Variants in CARHSP1 observed in about 807,000 individuals in gnomAD.
CARHSP1 encodes the protein calcium regulated heat stable protein 1, also known as calcium-regulated heat-stable protein 1.
In CARHSP1, 14 loss-of-function variants were observed where a neutral mutation model predicts 12.5. That is an observed-to-expected ratio of 1.12 (90% CI 0.74 to 1.75). The LOEUF is 1.75. Ranked by LOEUF, CARHSP1 falls within the 40% of genes most tolerant of loss-of-function variation. CARHSP1 has a pLI of 0.00. For synonymous variants in CARHSP1, 161 were observed against 82.0 expected (o/e 1.96, Z -5.20); for missense variants, 343 against 201.6 (o/e 1.70, Z -4.25).
chr16:8,854,364 C>CCACCA lies in CARHSP1; in HGVS notation c.*799_*800insTGGTG, dbSNP rs1235660397. The CCACCA allele has an allele frequency of 2.0e-5, 3 of 152,108 alleles. No homozygotes were observed. Among genetic ancestry groups the CCACCA allele is most frequent in the African/African-American group, 7.2e-5 (3 of 41,410 alleles). The allele number at this position is 152,108 out of a possible 1,614,324, so 9.4% of individuals were successfully genotyped here. Reference sequence around the variant, plus strand: ...CCACAAGCCCTTCCCACCACCACCACCCCAGCCCCCCGCCGCCATAATTAC... The same window carrying CCACCA: ...CCACAAGCCCTTCCCACCACCACCACCACCACCCAGCCCCCCGCCGCCATAATTAC... On this transcript the variant is annotated 3_prime_UTR_variant, in exon 4 of 4. Transcript: ENST00000311052.
intron 3 of CARHSP1, chr16:8,857,401 G>C (rs1357567408): frequency 7.0e-6 from 1 of 143,632 alleles, no homozygotes; most frequent in Non-Finnish European, 1.5e-5. Context: ...TCCTGCCTTA[G>C]CCTCCGAAGT....
Position 8,855,188 on chromosome 16 carries a change from C to G in CARHSP1, c.420G>C (p.Trp140Cys), listed in dbSNP as rs1596520452. ...CCTAGGAGCTGATGACATGTCCAGA[C>G]CAGGTCTCATGCTTGGTGCCTGGTG... ...HLAPGTKHET[W>C]SGHVISS The change falls in exon 4 of 4, where the codon TGG (tryptophan) becomes TGC (cysteine). Residue 140 changes from tryptophan to cysteine, a missense_variant. Trp to Cys is a radical substitution (Grantham distance 215). Coordinates refer to ENST00000311052, the MANE Select transcript of CARHSP1 (RefSeq NM_014316.4). 2 of 1,611,022 alleles carry G rather than the reference C, an allele frequency of 1.2e-6. No individual in the cohort carries two copies. The highest frequency in any genetic ancestry group is 1.7e-6 in the Non-Finnish European group (2 of 1,178,178).
At chr16:8,856,131 T>C (rs1157318212) in intron 3 of CARHSP1, among the ~76,000 whole-genome samples, 2 of 152,108 alleles carry the variant, frequency 1.3e-5, no homozygotes, top group African/African-American at 4.8e-5. Flanking sequence ...TTCAAGAAGG[T>C]CCCTTTGGTG....
chr16:8,860,161 G>A lies in CARHSP1; in HGVS notation c.-7-826C>T, dbSNP rs1023546333. 47 of 985,412 alleles carry A rather than the reference G, an allele frequency of 4.8e-5. No homozygotes were observed. In the Middle Eastern group the frequency reaches 1.6e-3, roughly 33 times the overall value. 61.0% of individuals were successfully genotyped at this position (985,412 alleles called of 1,614,324 possible). On this transcript the variant is annotated intron_variant, in intron 1 of 3. Coordinates refer to ENST00000311052, the MANE Select transcript of CARHSP1 (RefSeq NM_014316.4). The stretch of plus-strand genomic sequence containing the variant: ...GGAACACGTCGCAGAGAGCTCAAGC[G>A]CCACGTTTGGATCCCTGAGCAGCTG...
chr16:8,863,229 C>T (rs1357858750), intron 1 of CARHSP1, among the ~76,000 whole-genome samples: 4 of 150,290 alleles, frequency 2.7e-5, no homozygotes, highest in Non-Finnish European at 3.0e-5. Flanking sequence ...TCAGGTGATC[C>T]GCCCACCCCA....
intron 1 of CARHSP1, among the ~76,000 whole-genome samples, chr16:8,866,883 G>A (rs934874634): frequency 6.6e-6 from 1 of 152,128 alleles, no homozygotes; most frequent in African/African-American, 2.4e-5. Flanking sequence ...TCTGCCCAGA[G>A]CCCCCTCCCA....
rs147143458 is a variant in CARHSP1, at chr16:8,858,838, C to G, written c.158+333G>C. On this transcript the variant is annotated intron_variant, in intron 2 of 3. Coordinates refer to ENST00000311052, the MANE Select transcript of CARHSP1 (RefSeq NM_014316.4). ...TGCCAGGCATTATGTGGGTCCTTTG[C>G]AGCCCTGGTGCTGTGCCCATTTTGC... is the stretch of plus-strand genomic sequence containing the variant. 3.4e-3 allele frequency: 1,393 copies of G among 407,876 alleles called. 12 individuals are homozygous for G. The highest frequency in any genetic ancestry group is 0.026 in the African/African-American group (1,306 of 50,478). The allele number at this position is 407,876 out of a possible 1,614,324, so 25.3% of individuals were successfully genotyped here.
chr16:8,862,000 TTTTTTTTTTTTTTTTTTA>T, intron 1 of CARHSP1, among the ~76,000 whole-genome samples: 1 of 136,882 alleles, frequency 7.3e-6, no homozygotes, highest in Admixed American at 7.2e-5. Flanking sequence ...TTTTTTTTTT[TTTTTTTTTTTTTTTTTTA>T]ATTTGAGATG....
intron 1 of CARHSP1, chr16:8,861,699 A>AAGG (rs2061361130): frequency 7.8e-7 from 1 of 1,288,778 alleles, no homozygotes. Context: ...AGCCGCGGCC[A>AAGG]AGGAGGAACT....
chr16:8,855,372 G>A (rs753865936), intron 3 of CARHSP1, 46 bp from the exon 4 acceptor site: 5 of 1,422,658 alleles, frequency 3.5e-6, no homozygotes, highest in South Asian at 1.6e-5. Context: ...CCGGGACACA[G>A]CTCCCTTCCC....
intron 2 of CARHSP1, 167 bp downstream of exon 2, chr16:8,859,004 T>C: frequency 1.7e-6 from 1 of 586,804 alleles, no homozygotes; most frequent in Non-Finnish European, 2.9e-6. Context: ...ACCCTGAATT[T>C]ACAAGGCGCC....
At chr16:8,863,029 G>A (rs943669893) in intron 1 of CARHSP1, among the ~76,000 whole-genome samples, 2 of 150,484 alleles carry the variant, frequency 1.3e-5, no homozygotes, top group African/African-American at 4.9e-5. Flanking sequence ...GCAGCACAGG[G>A]CCCCTCTGTG....
chr16:8,862,952 C>A (rs983139724), intron 1 of CARHSP1, among the ~76,000 whole-genome samples: 1 of 152,012 alleles, frequency 6.6e-6, no homozygotes, highest in African/African-American at 2.4e-5. Context: ...CTCAACACCC[C>A]AAGTGCACCC....
At chr16:8,859,401 T>G in intron 1 of CARHSP1, 66 bp from the exon 2 acceptor site, 1 of 1,388,500 alleles carries the variant, frequency 7.2e-7, no homozygotes, top group Admixed American at 2.1e-5. Context: ...CTTACCCCCA[T>G]GTCCACGTCT....
At chr16:8,859,069 A>T in intron 2 of CARHSP1, 102 bp downstream of exon 2, 1 of 1,134,006 alleles carries the variant, frequency 8.8e-7, no homozygotes, top group Non-Finnish European at 1.2e-6. Context: ...CCTATTTGGC[A>T]GTCCGGGACA....
In CARHSP1 at chr16:8,866,318, G is replaced by A. The variant is rs760871478; in HGVS notation, c.-8+2648C>T. The A allele has an allele frequency of 2.2e-5, 11 of 496,744 alleles. No individual in the cohort carries two copies. In the South Asian group the frequency reaches 2.6e-4, roughly 12 times the overall value. The allele number at this position is 496,744 out of a possible 1,614,324, so 30.8% of individuals were successfully genotyped here. A position where few individuals can be genotyped will look rare whatever the true frequency, so the allele number is the denominator to read the frequency against. The stretch of plus-strand genomic sequence containing the variant: ...TGACCCAGGGAACACGGCAGTAGCC[G>A]GGCTACACTGGCCCATCTCACAGCC... On this transcript the variant is annotated intron_variant, in intron 1 of 3. Coordinates refer to ENST00000311052, the MANE Select transcript of CARHSP1 (RefSeq NM_014316.4).
At chr16:8,868,442 C>T (rs2061483187) in intron 1 of CARHSP1, 1 of 151,690 alleles carries the variant, frequency 6.6e-6, no homozygotes, top group Non-Finnish European at 1.5e-5. Flanking sequence ...CCCAGCGCGC[C>T]CGGCGGCTCC....
At chr16:8,852,944 G>C (rs1165332621), downstream of CARHSP1, 1 of 152,168 alleles carries the variant, frequency 6.6e-6, no homozygotes, top group Non-Finnish European at 1.5e-5. Context: ...CACACGCATA[G>C]CCTTGCACAA....
intron 1 of CARHSP1, chr16:8,867,294 C>T (rs2061469625): frequency 6.6e-6 from 1 of 152,338 alleles, no homozygotes; most frequent in Non-Finnish European, 1.5e-5. Flanking sequence ...TCTGTGACCC[C>T]TGCCAGGCGA....
Sources: allele counts gnomAD v4.1 joint callset (sites outside exome capture counted in the v4.1 genomes callset), GRCh38; gene constraint gnomAD v4.1.1; transcripts MANE v1.5; gene names NCBI Gene and HGNC (gene_info 2026-07-23, HGNC 2026-07-21).